CDH4: variants seen among roughly 807,000 people sequenced by gnomAD.
CDH4 encodes the protein cadherin 4, also known as cadherin-4.
CDH4 carries 33 observed loss-of-function variants against 86.0 expected under a neutral mutation model. The ratio of observed to expected loss-of-function variants is 0.38; its 90% confidence interval spans 0.29 to 0.51. The LOEUF is 0.51. Ranked by LOEUF, CDH4 falls within the 20% of genes least tolerant of loss-of-function variation. The pLI, the probability that CDH4 is intolerant of heterozygous loss-of-function variation, is 0.86. For synonymous variants in CDH4, 555 were observed against 549.4 expected (o/e 1.01, Z -0.14); for missense variants, 1,114 against 1,307.4 (o/e 0.85, Z 2.28).
intron 4 of CDH4, among the ~76,000 whole-genome samples, chr20:61,781,184 C>G (rs952280737): frequency 1.1e-4 from 16 of 152,058 alleles, no homozygotes; most frequent in African/African-American, 3.4e-4. Context: ...ATAACAGAAC[C>G]AGGGTCTCTA....
intron 2 of CDH4, among the ~76,000 whole-genome samples, chr20:61,705,349 G>A (rs1402534516): frequency 3.9e-5 from 6 of 152,234 alleles, no homozygotes; most frequent in Non-Finnish European, 5.9e-5. Context: ...GCCGATCTGG[G>A]GGACCAGACC....
chr20:61,284,897 T>C lies in CDH4; in HGVS notation c.169+29960T>C, dbSNP rs551896015. Among the ~76,000 whole-genome samples, 33 of 152,332 alleles carry C rather than the reference T, an allele frequency of 2.2e-4. No individual in the cohort carries two copies. In the South Asian group the frequency reaches 6.8e-3, roughly 32 times the overall value. Reference sequence around the variant, plus strand: ...AGGTGAAAAGCAGCCTTAGGAGATATGTACATGAATGGGTGGGGCTGTGTG... The same window carrying C: ...AGGTGAAAAGCAGCCTTAGGAGATACGTACATGAATGGGTGGGGCTGTGTG... On this transcript the variant is annotated intron_variant, in intron 2 of 15. Transcript: ENST00000614565.
At chr20:61,817,495 G>A (rs67646010) in intron 4 of CDH4, among the ~76,000 whole-genome samples, 62,390 of 151,814 alleles carry the variant, frequency 0.41, 15,672 homozygotes, top group Non-Finnish European at 0.57. Context: ...GCAACTTCTC[G>A]CTTTTTTTTT....
chr20:61,680,185 C>T (rs1235948392), intron 2 of CDH4, among the ~76,000 whole-genome samples: 1 of 152,220 alleles, frequency 6.6e-6, no homozygotes, highest in African/African-American at 2.4e-5. Context: ...TCCACCATAG[C>T]CCAGTCACCA....
chr20:61,296,354 A>G (rs2084354733), intron 2 of CDH4, among the ~76,000 whole-genome samples: 1 of 151,240 alleles, frequency 6.6e-6, no homozygotes, highest in Non-Finnish European at 1.5e-5. Context: ...AGAGAGATCG[A>G]TCTACTACCT....
intron 2 of CDH4, among the ~76,000 whole-genome samples, chr20:61,601,706 G>A (rs76084223): frequency 0.019 from 2,946 of 152,292 alleles, 102 homozygotes; most frequent in African/African-American, 0.067. Flanking sequence ...TGCACCTGGC[G>A]GGGCGCATGC....
chr20:61,854,022 G>A (rs1298462643), intron 6 of CDH4, among the ~76,000 whole-genome samples: 2 of 152,188 alleles, frequency 1.3e-5, no homozygotes, highest in African/African-American at 4.8e-5. Context: ...TACACTAAGA[G>A]AGTAATCCTT....
chr20:61,676,927 C>T lies in CDH4; in HGVS notation c.170-66636C>T, dbSNP rs995185857. Among the ~76,000 whole-genome samples, 1 of 151,972 alleles carries T rather than the reference C, an allele frequency of 6.6e-6. No individual in the cohort carries two copies. The highest frequency in any genetic ancestry group is 6.6e-5 in the Admixed American group (1 of 15,262). On this transcript the variant is annotated intron_variant, in intron 2 of 15. Coordinates refer to ENST00000614565, the MANE Select transcript of CDH4 (RefSeq NM_001794.5). This position sits in a 1 kb window ranked among gnomAD's most constrained non-coding sequence, Gnocchi z 4.5. ...GGACCTGATGGGGTGAGGTGGTGGG[C>T]CAGGCTGCAGTGGGACCAGCGGTCC...
At chr20:61,729,496 A>T (rs1308708610) in intron 2 of CDH4, among the ~76,000 whole-genome samples, 1 of 152,186 alleles carries the variant, frequency 6.6e-6, no homozygotes, top group East Asian at 1.9e-4. Flanking sequence ...TCCTCTCTTT[A>T]TATAGGCTCA....
At chr20:61,420,735 G>A (rs2145501649) in intron 2 of CDH4, among the ~76,000 whole-genome samples, 1 of 152,306 alleles carries the variant, frequency 6.6e-6, no homozygotes, top group Non-Finnish European at 1.5e-5. Context: ...TAGTGAATAG[G>A]GTGTGGCATG....
At chr20:61,316,924 G>T (rs183605433) in intron 2 of CDH4, among the ~76,000 whole-genome samples, 49 of 152,286 alleles carry the variant, frequency 3.2e-4, no homozygotes, top group Middle Eastern at 3.4e-3. Flanking sequence ...CCTCAGGTGC[G>T]TGCAGCCTCT....
chr20:61,381,200 G>A (rs953176897), intron 2 of CDH4, among the ~76,000 whole-genome samples: 1 of 152,058 alleles, frequency 6.6e-6, no homozygotes, highest in Non-Finnish European at 1.5e-5. Context: ...CAAAGAAGCT[G>A]TCAAGTGTCC....
chr20:61,933,049 G>C lies in CDH4; in HGVS notation c.2304G>C (p.Leu768=). Residue 768 remains leucine, a synonymous_variant, in exon 14 of 16, where the codon CTG becomes CTC. Coordinates refer to ENST00000614565, the MANE Select transcript of CDH4 (RefSeq NM_001794.5). ...AGAAGGAGCGCCACACGAAGCAGCT[G>C]CTCATTGACCCCGAGGACGACGTCC... is the stretch of plus-strand genomic sequence containing the variant. ...RREKERHTKQ[L]LIDPEDDVRD... 1 of 1,613,358 alleles carries C rather than the reference G, an allele frequency of 6.2e-7. No homozygotes were observed. The highest frequency in any genetic ancestry group is 8.5e-7 in the Non-Finnish European group (1 of 1,180,034).
At chr20:61,291,567 G>T (rs556206435) in intron 2 of CDH4, among the ~76,000 whole-genome samples, 1 of 152,236 alleles carries the variant, frequency 6.6e-6, no homozygotes, top group South Asian at 2.1e-4. Flanking sequence ...AATGCAAGGT[G>T]CTGCAAAGAC....
chr20:61,490,497 G>A (rs1568863066), intron 2 of CDH4, among the ~76,000 whole-genome samples: 1 of 152,086 alleles, frequency 6.6e-6, no homozygotes, highest in Non-Finnish European at 1.5e-5. Flanking sequence ...TCAGGGGTTC[G>A]AGACCAGCCT....
At chr20:61,601,156 G>A (rs2086597442) in intron 2 of CDH4, among the ~76,000 whole-genome samples, 2 of 152,226 alleles carry the variant, frequency 1.3e-5, no homozygotes, top group Admixed American at 1.3e-4. Context: ...GCCTCAGGGA[G>A]CTTTTACTCA....
intron 2 of CDH4, among the ~76,000 whole-genome samples, chr20:61,282,664 C>T (rs1036033288): frequency 2.6e-5 from 4 of 152,002 alleles, no homozygotes; most frequent in African/African-American, 9.7e-5. Context: ...TATGTGGGTG[C>T]CTTGTGCACA....
chr20:61,512,390 C>T (rs1014543611), intron 2 of CDH4, among the ~76,000 whole-genome samples: 3 of 152,172 alleles, frequency 2.0e-5, no homozygotes, highest in Non-Finnish European at 2.9e-5. Context: ...TCATTTCAAT[C>T]GACCATACCT....
intron 2 of CDH4, among the ~76,000 whole-genome samples, chr20:61,520,563 A>G (rs2085861234): frequency 6.6e-6 from 1 of 152,220 alleles, no homozygotes; most frequent in South Asian, 2.1e-4. Context: ...GGGCTCTGGC[A>G]TTGCTGGTTG....
Sources: allele counts gnomAD v4.1 joint callset (sites outside exome capture counted in the v4.1 genomes callset), GRCh38; gene constraint gnomAD v4.1.1; non-coding constraint Gnocchi (gnomAD v3.1); transcripts MANE v1.5; gene names NCBI Gene and HGNC (gene_info 2026-07-23, HGNC 2026-07-21).